PLA2G5: variants seen among roughly 807,000 people sequenced by gnomAD.
PLA2G5 encodes phospholipase A2 group V.
Under a neutral mutation model 15.9 loss-of-function variants are expected in PLA2G5, and 12 were observed. The observed-to-expected ratio is 0.76, with a 90% CI of 0.48 to 1.23. The LOEUF is 1.23. Among genes scored for constraint, PLA2G5 ranks in the 50% most tolerant of loss-of-function variants. The pLI, the probability that PLA2G5 is intolerant of heterozygous loss-of-function variation, is 0.00. For synonymous variants in PLA2G5, 71 were observed against 71.4 expected (o/e 0.99, Z 0.03); for missense variants, 169 against 177.1 (o/e 0.95, Z 0.26).
At chr1:20,057,192 T>C (rs2014476964) in intron 1 of PLA2G5, among the ~76,000 whole-genome samples, 1 of 152,118 alleles carries the variant, frequency 6.6e-6, no homozygotes, top group Non-Finnish European at 1.5e-5. Flanking sequence ...TCTATTGATG[T>C]CCTATTTTCA....
chr1:20,090,487 G>C, intron 4 of PLA2G5, 81 bp from the exon 5 acceptor site: 2 of 1,457,450 alleles, frequency 1.4e-6, no homozygotes, highest in Non-Finnish European at 1.9e-6. Context: ...AAGCTCCTCG[G>C]AGCAGGAAGT....
chr1:20,029,335 G>A (rs1196893186), intron 1 of PLA2G5, among the ~76,000 whole-genome samples: 3 of 151,618 alleles, frequency 2.0e-5, no homozygotes, highest in Non-Finnish European at 2.9e-5. Flanking sequence ...CCACCCGTGT[G>A]TTCCTCCCCT....
chr1:20,080,323 A>T (rs2015937796), intron 1 of PLA2G5, among the ~76,000 whole-genome samples: 1 of 152,144 alleles, frequency 6.6e-6, no homozygotes, highest in South Asian at 2.1e-4. Context: ...CTTCTGTGGC[A>T]GTAATCCCAG....
chr1:20,060,456 T>A (rs2014665774), intron 2 of PLA2G5, among the ~76,000 whole-genome samples: 1 of 151,942 alleles, frequency 6.6e-6, no homozygotes, highest in Admixed American at 6.6e-5. Context: ...TTTCATCATG[T>A]TGATCAGGCT....
At chr1:20,078,179 G>A (rs191030245) in intron 1 of PLA2G5, among the ~76,000 whole-genome samples, 1 of 152,290 alleles carries the variant, frequency 6.6e-6, no homozygotes, top group African/African-American at 2.4e-5. Context: ...AAGGACTGAG[G>A]AGGTGACCCC....
intron 2 of PLA2G5, among the ~76,000 whole-genome samples, chr1:20,060,820 C>T (rs1557736124): frequency 2.0e-5 from 3 of 150,582 alleles, no homozygotes; most frequent in South Asian, 4.2e-4. Flanking sequence ...CAGTTTCAAG[C>T]GATTCTCCTG....
Position 20,048,939 on chromosome 1 carries a change from C to T in PLA2G5, n.277-10693C>T, listed in dbSNP as rs180937898. Among the ~76,000 whole-genome samples the T allele has an allele frequency of 1.2e-4, 18 of 151,800 alleles. 1 individual carries two copies. Among genetic ancestry groups the T allele is most frequent in the Admixed American group, 1.1e-3 (16 of 15,236 alleles). On this transcript the variant is annotated intron_variant and non_coding_transcript_variant, in intron 1 of 6. Coordinates refer to the PLA2G5 transcript ENST00000460175. ...GGGTATTTTCCAATAAAAATATATT[C>T]GTAGGAAGACATTCTTTCTAAAAAA...
upstream of PLA2G5, among the ~76,000 whole-genome samples, chr1:20,067,761 A>G (rs2015117501): frequency 6.6e-6 from 1 of 152,100 alleles, no homozygotes; most frequent in Non-Finnish European, 1.5e-5. Context: ...TCAAAGCAAC[A>G]TAAGGGAAGC....
At chr1:20,034,357 A>G (rs12747681) in intron 1 of PLA2G5, among the ~76,000 whole-genome samples, 5,824 of 152,264 alleles carry the variant, frequency 0.038, 169 homozygotes, top group Middle Eastern at 0.12. Flanking sequence ...GCCAGATCCA[A>G]GGGAATAGTA....
intron 1 of PLA2G5, among the ~76,000 whole-genome samples, chr1:20,040,476 C>T (rs1277968260): frequency 6.6e-6 from 1 of 151,982 alleles, no homozygotes; most frequent in Admixed American, 6.6e-5. Flanking sequence ...TGTCATGGTT[C>T]TTTTCTTTTT....
At chr1:20,057,971 C>T (rs2014519518) in intron 1 of PLA2G5, among the ~76,000 whole-genome samples, 1 of 151,962 alleles carries the variant, frequency 6.6e-6, no homozygotes, top group African/African-American at 2.4e-5. Context: ...AGTTTAATTC[C>T]ATTGTGGTCT....
intron 1 of PLA2G5, among the ~76,000 whole-genome samples, chr1:20,046,981 A>G (rs2013936771): frequency 6.6e-6 from 1 of 152,212 alleles, no homozygotes; most frequent in South Asian, 2.1e-4. Flanking sequence ...GGTAAATGAG[A>G]GACTGAGTTT....
intron 1 of PLA2G5, among the ~76,000 whole-genome samples, chr1:20,043,437 G>C (rs1167795476): frequency 6.6e-6 from 1 of 152,162 alleles, no homozygotes; most frequent in Non-Finnish European, 1.5e-5. Flanking sequence ...TATTGGCATT[G>C]AGTGGGGTAA....
intron 1 of PLA2G5, among the ~76,000 whole-genome samples, chr1:20,032,351 TG>T (rs2013002904): frequency 6.6e-6 from 1 of 150,468 alleles, no homozygotes; most frequent in South Asian, 2.1e-4. Context: ...AGTGTGTGTG[TG>T]GTTTTTTTTT....
Position 20,061,407 on chromosome 1 carries a change from A to G in PLA2G5, n.337+1715A>G, listed in dbSNP as rs564940467. Among the ~76,000 whole-genome samples, 4 of 152,034 alleles carry G rather than the reference A, an allele frequency of 2.6e-5. No homozygotes were observed. In the East Asian group the frequency reaches 7.7e-4, roughly 29 times the overall value. On this transcript the variant is annotated intron_variant and non_coding_transcript_variant, in intron 2 of 6. Coordinates refer to the PLA2G5 transcript ENST00000460175. ...CGAGATCAGCTTGGGCAACCTAGGGAGACCGCATCTTTAGAAACAAAATTA... is the reference window on the plus strand; with the variant it reads ...CGAGATCAGCTTGGGCAACCTAGGGGGACCGCATCTTTAGAAACAAAATTA...
intron 1 of PLA2G5, among the ~76,000 whole-genome samples, chr1:20,039,825 T>A (rs1200329184): frequency 1.3e-5 from 2 of 152,196 alleles, no homozygotes; most frequent in Admixed American, 6.5e-5. Flanking sequence ...GAATAGACCT[T>A]CAGCATTAGC....
At chr1:20,053,576 G>A (rs565286850) in intron 1 of PLA2G5, among the ~76,000 whole-genome samples, 3 of 142,676 alleles carry the variant, frequency 2.1e-5, no homozygotes, top group Non-Finnish European at 3.0e-5. Context: ...TTTGCGGGGG[G>A]GGGGGTGATA....
At chr1:20,028,885 C>T (rs1052087279) in intron 1 of PLA2G5, among the ~76,000 whole-genome samples, 2 of 152,208 alleles carry the variant, frequency 1.3e-5, no homozygotes, top group Admixed American at 6.5e-5. Flanking sequence ...CTTCAGTGCC[C>T]TGCTGCTCAA....
intron 1 of PLA2G5, among the ~76,000 whole-genome samples, chr1:20,071,329 T>G (rs1373915744): frequency 2.0e-5 from 3 of 152,122 alleles, no homozygotes; most frequent in African/African-American, 7.2e-5. Flanking sequence ...CCATGCAGAG[T>G]GCTAGGTGCT....
Sources: allele counts gnomAD v4.1 joint callset (sites outside exome capture counted in the v4.1 genomes callset), GRCh38; gene constraint gnomAD v4.1.1; transcripts MANE v1.5; gene names NCBI Gene and HGNC (gene_info 2026-07-23, HGNC 2026-07-21).